GMDS: variants seen among roughly 807,000 people sequenced by gnomAD.
The protein encoded by GMDS is GDP-mannose 4,6-dehydratase, also known as GDP-mannose 4,6 dehydratase.
In GMDS, 20 loss-of-function variants were observed where a neutral mutation model predicts 49.9. The ratio of observed to expected loss-of-function variants is 0.40; its 90% CI spans 0.28 to 0.58. GMDS has a LOEUF of 0.58. Among genes scored for constraint, GMDS ranks in the 20% least tolerant of loss-of-function variants. The pLI is 0.42. For synonymous variants in GMDS, 177 were observed against 178.6 expected (o/e 0.99, Z 0.07); for missense variants, 362 against 481.4 (o/e 0.75, Z 2.32).
intron 8 of GMDS, among the ~76,000 whole-genome samples, chr6:1,741,323 C>T (rs560312049): frequency 8.1e-4 from 124 of 152,318 alleles, no homozygotes; most frequent in African/African-American, 3.0e-3. Flanking sequence ...TTACCATTCT[C>T]TCCCCAGCCT....
intron 7 of GMDS, among the ~76,000 whole-genome samples, chr6:1,854,071 T>C (rs1408072007): frequency 6.6e-6 from 1 of 152,198 alleles, no homozygotes; most frequent in Non-Finnish European, 1.5e-5. Flanking sequence ...AAAAACCTCT[T>C]TTCAAGGATT....
intron 1 of GMDS, among the ~76,000 whole-genome samples, chr6:2,156,815 A>G (rs1010868189): frequency 3.3e-5 from 5 of 152,328 alleles, no homozygotes; most frequent in Non-Finnish European, 4.4e-5. Flanking sequence ...TACATATGCC[A>G]TATATAAACC....
chr6:2,119,367 A>C (rs922421882), intron 2 of GMDS, among the ~76,000 whole-genome samples: 7 of 152,244 alleles, frequency 4.6e-5, no homozygotes, highest in Non-Finnish European at 1.0e-4. Context: ...TTAAAAATCA[A>C]AAGCATTAAG....
rs746761476 is a variant in GMDS, at chr6:2,245,313, G to C, written c.102+8C>G. On this transcript the variant is annotated splice_region_variant and intron_variant, in intron 1 of 10. Coordinates refer to ENST00000380815, the MANE Select transcript of GMDS (RefSeq NM_001500.4). ...CCTCGGCCGGCGCGCCCCCGCCCCC[G>C]CACTCACCTGGCCTGTGATACCGGT... The C allele has an allele frequency of 3.3e-5, 50 of 1,524,010 alleles. No individual in the cohort carries two copies. The East Asian group carries it at 1.2e-3, about 35-fold the overall frequency. The allele number at this position is 1,524,010 out of a possible 1,614,324, so 94.4% of individuals were successfully genotyped here.
chr6:1,846,656 A>G (rs373990987), intron 7 of GMDS, among the ~76,000 whole-genome samples: 2 of 152,184 alleles, frequency 1.3e-5, no homozygotes, highest in Non-Finnish European at 2.9e-5. Context: ...GTTTCCCCCA[A>G]TGAAGGTGAA....
intron 1 of GMDS, among the ~76,000 whole-genome samples, chr6:2,137,121 C>T (rs1776047187): frequency 6.6e-6 from 1 of 151,898 alleles, no homozygotes; most frequent in Non-Finnish European, 1.5e-5. Context: ...GTTTTTGTAG[C>T]CAATATATAT....
Position 1,878,293 on chromosome 6 carries a change from T to C in GMDS, c.771+51810A>G, listed in dbSNP as rs372447919. Among the ~76,000 whole-genome samples, 1,113 of 119,912 alleles carry C rather than the reference T, an allele frequency of 9.3e-3. 9 individuals carry two copies. Among genetic ancestry groups the C allele is most frequent in the Non-Finnish European group, 0.013 (818 of 63,282 alleles). 78.7% of individuals were successfully genotyped at this position (119,912 alleles called of 152,430 possible). On this transcript the variant is annotated intron_variant, in intron 7 of 10. Transcript: ENST00000380815. ...TTGCACCACTGCACTCCAGCCTGGG[T>C]GACAGAGCGAGAATCCATCTCAAAA...
chr6:1,975,181 T>A lies in GMDS; in HGVS notation c.346-14215A>T, dbSNP rs1764829775. 2.6e-5 allele frequency among the ~76,000 whole-genome samples: 4 copies of A among 152,068 alleles called. 1 individual carries two copies. Among genetic ancestry groups the A allele is most frequent in the African/African-American group, 9.6e-5 (4 of 41,466 alleles). Reference sequence around the variant, plus strand: ...ACACCACATAAAGGAATAAAGATAATCCCATGGCAGAAAGTAAAGTGGCTT... The same window carrying A: ...ACACCACATAAAGGAATAAAGATAAACCCATGGCAGAAAGTAAAGTGGCTT... On this transcript the variant is annotated intron_variant, in intron 4 of 10. Transcript: ENST00000380815.
chr6:2,117,639 A>T (rs1774918773), intron 2 of GMDS, 83 bp from the exon 3 acceptor site: 1 of 775,696 alleles, frequency 1.3e-6, no homozygotes, highest in African/African-American at 1.7e-5. Flanking sequence ...CTTTATGAAA[A>T]AAATGATTTG....
At chr6:2,082,560 TAAC>T (rs949476076) in intron 4 of GMDS, among the ~76,000 whole-genome samples, 7 of 152,172 alleles carry the variant, frequency 4.6e-5, no homozygotes, top group Non-Finnish European at 7.3e-5. Flanking sequence ...TGATCAAAAA[TAAC>T]AAAATTAAAT....
intron 1 of GMDS, among the ~76,000 whole-genome samples, chr6:2,201,053 G>C (rs1367612012): frequency 1.4e-5 from 2 of 142,044 alleles, no homozygotes; most frequent in Admixed American, 1.4e-4. Context: ...AGCACCACAT[G>C]GGCATCCGAG....
chr6:2,111,303 T>C (rs1359691169), intron 4 of GMDS, among the ~76,000 whole-genome samples: 1 of 152,226 alleles, frequency 6.6e-6, no homozygotes, highest in African/African-American at 2.4e-5. Context: ...ACTTGGATGA[T>C]GTCATCATGC....
intron 6 of GMDS, among the ~76,000 whole-genome samples, chr6:1,948,810 G>A (rs1016359183): frequency 2.0e-5 from 3 of 152,082 alleles, no homozygotes; most frequent in African/African-American, 7.2e-5. Flanking sequence ...CCAAAATCTC[G>A]TTTTGAATGG....
chr6:1,851,047 A>G (rs1428819544), intron 7 of GMDS, among the ~76,000 whole-genome samples: 2 of 152,240 alleles, frequency 1.3e-5, no homozygotes, highest in Non-Finnish European at 2.9e-5. Flanking sequence ...ATAACAGACT[A>G]TAAACAACAG....
chr6:2,209,379 C>A (rs1779956934), intron 1 of GMDS, among the ~76,000 whole-genome samples: 1 of 152,218 alleles, frequency 6.6e-6, no homozygotes, highest in East Asian at 1.9e-4. Context: ...AGCCTCAGCT[C>A]AATGGCAAAT....
rs908618006 is a variant in GMDS at position 2,245,578 on chromosome 6, A to C, written c.-156T>G. On this transcript the variant is annotated 5_prime_UTR_variant, in exon 1 of 11. Transcript: ENST00000380815. ...GCGCGACCGGCCGCCACAGTCTGAC[A>C]GGGGCGCACGGGAGGCCGTGCAGGG... 12 of 410,772 alleles carry C rather than the reference A, an allele frequency of 2.9e-5. No homozygotes were observed. Among genetic ancestry groups the C allele is most frequent in the African/African-American group, 1.7e-4 (8 of 47,280 alleles). 25.4% of individuals were successfully genotyped at this position (410,772 alleles called of 1,614,324 possible). A position where few individuals can be genotyped will look rare whatever the true frequency, so the allele number is the denominator to read the frequency against.
At chr6:1,983,437 C>G (rs1016391008) in intron 4 of GMDS, among the ~76,000 whole-genome samples, 2 of 152,088 alleles carry the variant, frequency 1.3e-5, no homozygotes, top group Non-Finnish European at 2.9e-5. Context: ...ACAGAGTAAA[C>G]AGACAACCTA....
intron 4 of GMDS, among the ~76,000 whole-genome samples, chr6:2,064,739 A>G (rs1457960292): frequency 4.6e-5 from 7 of 152,134 alleles, no homozygotes; most frequent in Non-Finnish European, 5.9e-5. Context: ...GCATGGGGAG[A>G]AGAAAGGAAG....
chr6:2,076,852 C>G (rs1445373470), intron 4 of GMDS, among the ~76,000 whole-genome samples: 1 of 152,140 alleles, frequency 6.6e-6, no homozygotes, highest in Admixed American at 6.5e-5. Context: ...TACGCATGGG[C>G]AAGGACTTCA....
Sources: gnomAD v4.1 joint callset for allele counts (sites outside exome capture counted in the v4.1 genomes callset) on GRCh38, gnomAD v4.1.1 for gene constraint, MANE v1.5 for transcripts, NCBI Gene and HGNC (gene_info 2026-07-23, HGNC 2026-07-21) for gene names.